HPS5: variants seen among roughly 807,000 people sequenced by gnomAD.
HPS5 encodes HPS5 biogenesis of lysosomal organelles complex 2 subunit 2, also known as BLOC-2 complex member HPS5.
Under a neutral mutation model 128.0 loss-of-function variants are expected in HPS5, and 83 were observed. That is an observed-to-expected ratio of 0.65 (90% CI 0.54 to 0.78). The LOEUF is 0.78. Among genes scored for constraint, HPS5 ranks in the 30% least tolerant of loss-of-function variants. HPS5 has a pLI of 0.00. For missense variants in HPS5, 1,281 were observed against 1,326.2 expected, an observed-to-expected ratio of 0.97 and a Z score of 0.53; for synonymous variants, 475 against 470.2, an observed-to-expected ratio of 1.01 and a Z score of -0.13.
Position 18,306,442 on chromosome 11 carries a change from C to T in HPS5, c.612-95G>A, listed in dbSNP as rs539096556. ...TCAGCATGGGCATAATAACTCCACT[C>T]ACAATGCCTTCTCCTTCATTCATAT... On this transcript the variant is annotated intron_variant, in intron 6 of 22. Coordinates refer to ENST00000349215, the MANE Select transcript of HPS5 (RefSeq NM_181507.2). 25 of 747,624 alleles carry T rather than the reference C, an allele frequency of 3.3e-5. No homozygotes were observed. In the South Asian group the frequency reaches 3.8e-4, roughly 11 times the overall value. The allele number at this position is 747,624 out of a possible 1,614,324, so 46.3% of individuals were successfully genotyped here.
rs372789957 is a variant in HPS5, at chr11:18,319,255, C to T, written c.-49-1348G>A. Among the ~76,000 whole-genome samples the T allele has an allele frequency of 3.0e-3, 416 of 139,218 alleles. 1 individual carries two copies. Among genetic ancestry groups the T allele is most frequent in the South Asian group, 0.011 (48 of 4,294 alleles). 91.3% of individuals were successfully genotyped at this position (139,218 alleles called of 152,430 possible). ...TATAATACGGAGGAAAAGACAAATACCACACACACACACACACACACACAC... is the reference window on the plus strand; with the variant it reads ...TATAATACGGAGGAAAAGACAAATATCACACACACACACACACACACACAC... On this transcript the variant is annotated intron_variant, in intron 1 of 22. Transcript: ENST00000349215.
chr11:18,306,385 C>A, intron 6 of HPS5, 38 bp from the exon 7 acceptor site: 2 of 1,498,152 alleles, frequency 1.3e-6, no homozygotes, highest in Non-Finnish European at 1.8e-6. Context: ...GATTTACTTA[C>A]AAAAAAAAGT....
intron 16 of HPS5, among the ~76,000 whole-genome samples, chr11:18,291,105 C>G (rs1860348226): frequency 6.6e-6 from 1 of 152,138 alleles, no homozygotes; most frequent in Non-Finnish European, 1.5e-5. Flanking sequence ...GCAGTCCCAG[C>G]TACTTGGGAG....
chr11:18,314,854 C>T (rs958070479), intron 2 of HPS5, among the ~76,000 whole-genome samples: 2 of 152,140 alleles, frequency 1.3e-5, no homozygotes, highest in African/African-American at 4.8e-5. Flanking sequence ...ATACCCACCA[C>T]CACGTCCAGC....
chr11:18,317,964 T>C, intron 1 of HPS5, 57 bp from the exon 2 acceptor site: 1 of 1,276,774 alleles, frequency 7.8e-7, no homozygotes, highest in South Asian at 1.3e-5. Context: ...TTAACATGCA[T>C]TTAACAAATA....
chr11:18,319,959 T>C (rs567676513), intron 1 of HPS5, among the ~76,000 whole-genome samples: 2 of 152,188 alleles, frequency 1.3e-5, no homozygotes, highest in South Asian at 2.1e-4. Flanking sequence ...GATAATATCA[T>C]AGTGTCTCTT....
At chr11:18,289,922 C>T (rs886846003) in intron 16 of HPS5, among the ~76,000 whole-genome samples, 3 of 152,172 alleles carry the variant, frequency 2.0e-5, no homozygotes, top group African/African-American at 7.2e-5. Context: ...GTAGATACTG[C>T]GGGCTATGCA....
chr11:18,281,255 A>ATTTTT (rs1236371776), intron 22 of HPS5, among the ~76,000 whole-genome samples: 1 of 99,958 alleles, frequency 1.0e-5, no homozygotes, highest in Admixed American at 9.6e-5. Context: ...ATTTTTTTGC[A>ATTTTT]TTTTTTTTTT....
intron 8 of HPS5, among the ~76,000 whole-genome samples, chr11:18,301,616 A>G (rs1861726117): frequency 6.6e-6 from 1 of 152,122 alleles, no homozygotes; most frequent in Non-Finnish European, 1.5e-5. Flanking sequence ...ACTGCCAATC[A>G]TTACTCTAGT....
intron 2 of HPS5, among the ~76,000 whole-genome samples, chr11:18,315,116 A>G (rs1863462829): frequency 6.6e-6 from 1 of 152,184 alleles, no homozygotes; most frequent in South Asian, 2.1e-4. Context: ...GAATGACCTT[A>G]GTATAACTAC....
chr11:18,295,209 T>C, intron 13 of HPS5, 40 bp from the exon 14 acceptor site: 1 of 1,588,576 alleles, frequency 6.3e-7, no homozygotes, highest in Non-Finnish European at 8.6e-7. Context: ...GAATAAAAAC[T>C]TATTACTGAG....
At chr11:18,285,274 A>C (rs1859557618) in intron 20 of HPS5, 72 bp downstream of exon 20, 3 of 900,348 alleles carry the variant, frequency 3.3e-6, no homozygotes, top group Middle Eastern at 2.1e-4. Context: ...ATTAATTCAG[A>C]CCCTTAACTA....
Position 18,297,634 on chromosome 11 carries a change from T to C in HPS5, c.1248A>G (p.Gln416=). The change falls in exon 11 of 23, where the codon CAA becomes CAG. Residue 416 remains glutamine, a synonymous_variant. Transcript: ENST00000349215. ...DHGTYNDLIS[Q]LEELILKFEP... ...CAAATTTTAAGATCAATTCTTCCAG[T>C]TGAGAAATTAGATCATTGTAGGTGC... 1 of 1,613,890 alleles carries C rather than the reference T, an allele frequency of 6.2e-7. No individual in the cohort carries two copies. Among genetic ancestry groups the C allele is most frequent in the Non-Finnish European group, 8.5e-7 (1 of 1,179,728 alleles).
chr11:18,291,150 G>A (rs765428754), intron 16 of HPS5, among the ~76,000 whole-genome samples: 13 of 152,242 alleles, frequency 8.5e-5, no homozygotes, highest in Middle Eastern at 3.4e-3. Context: ...CCCAGGAGGC[G>A]GAGGTTGCAG....
chr11:18,303,172 A>G (rs1861933963), intron 8 of HPS5, among the ~76,000 whole-genome samples: 1 of 152,236 alleles, frequency 6.6e-6, no homozygotes, highest in African/African-American at 2.4e-5. Context: ...TGAAAAACAT[A>G]AACAAACAGG....
intron 8 of HPS5, among the ~76,000 whole-genome samples, chr11:18,301,194 G>C (rs1204057201): frequency 6.6e-6 from 1 of 152,050 alleles, no homozygotes; most frequent in Admixed American, 6.6e-5. Flanking sequence ...AGTGGCTCAC[G>C]CCTGTAGTCC....
chr11:18,284,916 C>T (rs946602406), intron 20 of HPS5, among the ~76,000 whole-genome samples: 2 of 152,100 alleles, frequency 1.3e-5, no homozygotes, highest in Admixed American at 6.5e-5. Context: ...ACAAATCCTA[C>T]CCAGGTTTTA....
chr11:18,279,942 C>T lies in HPS5; in HGVS notation c.3330G>A (p.Arg1110=). The T allele has an allele frequency of 6.2e-7, 1 of 1,614,038 alleles. No individual in the cohort carries two copies. Among genetic ancestry groups the T allele is most frequent in the African/African-American group, 1.3e-5 (1 of 75,038 alleles). The change falls in exon 23 of 23, where the codon AGG becomes AGA. Residue 1110 remains arginine, a splice_region_variant and synonymous_variant. Coordinates refer to ENST00000349215, the MANE Select transcript of HPS5 (RefSeq NM_181507.2). ...TTTCAAGCATGCTTTGTATCAAGGC[C>T]CTGAAATCCCAAAGAAAAGAAACAA... ...DILRIAEKRQ[R]ALIQSMLEKC...
chr11:18,291,602 A>G lies in HPS5; in HGVS notation c.2280T>C (p.His760=). 6.2e-7 allele frequency: 1 copy of G among 1,614,090 alleles called. No individual in the cohort carries two copies. The highest frequency in any genetic ancestry group is 2.2e-5 in the East Asian group (1 of 44,880). ...AGTACTGTTGCAAAGTGTGGTCCAC[A>G]TGTCCACTGGTGCTTTTGATCTTAG... ...LNSKIKSTSG[H]VDHTLQQYSP... The change falls in exon 16 of 23, where the codon CAT becomes CAC. Residue 760 remains histidine (H), a synonymous_variant. Coordinates refer to ENST00000349215, the MANE Select transcript of HPS5 (RefSeq NM_181507.2).
Sources: gnomAD v4.1 joint callset for allele counts (sites outside exome capture counted in the v4.1 genomes callset) on GRCh38, gnomAD v4.1.1 for gene constraint, MANE v1.5 for transcripts, NCBI Gene and HGNC (gene_info 2026-07-23, HGNC 2026-07-21) for gene names.